KIAA0319L: variants seen among roughly 807,000 people sequenced by gnomAD.
KIAA0319L encodes the protein dyslexia-associated protein KIAA0319-like protein.
A neutral mutation model predicts 120.1 loss-of-function variants in KIAA0319L; 55 were observed. That is an observed-to-expected ratio of 0.46 (90% CI 0.37 to 0.57). The LOEUF (loss-of-function observed/expected upper bound fraction) is 0.57, where lower values mean the gene tolerates loss of function less well. Among genes scored for constraint, KIAA0319L ranks in the 20% least tolerant of loss-of-function variants. The pLI is 0.00. For missense variants in KIAA0319L, 1,049 were observed against 1,255.3 expected, an observed-to-expected ratio of 0.84 and a Z score of 2.48; for synonymous variants, 398 against 471.9, an observed-to-expected ratio of 0.84 and a Z score of 2.03.
Position 35,454,670 on chromosome 1 carries a change from T to C in KIAA0319L, c.1657-185A>G. On this transcript the variant is annotated intron_variant, in intron 10 of 20. Coordinates refer to ENST00000325722, the MANE Select transcript of KIAA0319L (RefSeq NM_024874.5). ...ATATCATGAGGCACCTTGCTAAGGG[T>C]TTCCCCCTTCAAGGAAACAACCCTC... is the stretch of plus-strand genomic sequence containing the variant. 6 of 1,376,056 alleles carry C rather than the reference T, an allele frequency of 4.4e-6. No homozygotes were observed. The South Asian group carries it at 8.8e-5, about 20-fold the overall frequency. 85.2% of individuals were successfully genotyped at this position (1,376,056 alleles called of 1,614,324 possible).
At chr1:35,461,977 T>TCAAAA (rs200765617) in intron 8 of KIAA0319L, among the ~76,000 whole-genome samples, 7 of 151,998 alleles carry the variant, frequency 4.6e-5, no homozygotes, top group East Asian at 3.9e-4. Context: ...TCTCAAAAAA[T>TCAAAA]CAAAACAAAA....
intron 12 of KIAA0319L, among the ~76,000 whole-genome samples, chr1:35,452,137 C>CCCAGTAGT (rs1481263037): frequency 1.3e-4 from 20 of 152,316 alleles, no homozygotes; most frequent in African/African-American, 4.6e-4. Flanking sequence ...GCATTTCTGG[C>CCCAGTAGT]CCAGTAGTTG....
At chr1:35,557,564 G>C (rs1241333127), upstream of KIAA0319L, 1 of 408,482 alleles carries the variant, frequency 2.4e-6, no homozygotes, top group Non-Finnish European at 4.9e-6. Flanking sequence ...GAAGGAATCT[G>C]GGCCCCCAGC....
chr1:35,509,921 T>C (rs983388396), intron 2 of KIAA0319L: 4 of 152,316 alleles, frequency 2.6e-5, no homozygotes, highest in African/African-American at 9.6e-5. Context: ...GCGTCAGAAC[T>C]GCGTCAGGTA....
At chr1:35,468,989 C>T (rs1225209369) in intron 6 of KIAA0319L, among the ~76,000 whole-genome samples, 1 of 152,160 alleles carries the variant, frequency 6.6e-6, no homozygotes, top group Non-Finnish European at 1.5e-5. Flanking sequence ...ACAAAATAAT[C>T]GGCACTGGGT....
intron 2 of KIAA0319L, among the ~76,000 whole-genome samples, chr1:35,517,900 G>C (rs1163976020): frequency 1.3e-5 from 2 of 152,128 alleles, no homozygotes; most frequent in East Asian, 3.8e-4. Context: ...AATAAAAAGT[G>C]GGCAAAGGAC....
intron 12 of KIAA0319L, among the ~76,000 whole-genome samples, chr1:35,452,522 C>T (rs991668416): frequency 8.5e-5 from 13 of 152,202 alleles, no homozygotes; most frequent in Non-Finnish European, 1.6e-4. Context: ...CTTTGTTTTG[C>T]CTTTTAAAGT....
At chr1:35,545,105 C>A (rs1646932621) in intron 2 of KIAA0319L, among the ~76,000 whole-genome samples, 1 of 152,122 alleles carries the variant, frequency 6.6e-6, no homozygotes, top group African/African-American at 2.4e-5. Flanking sequence ...GGTCCCCTGC[C>A]AGTCCGTGGC....
intron 8 of KIAA0319L, 116 bp downstream of exon 8, chr1:35,462,505 G>T: frequency 1.3e-6 from 1 of 781,498 alleles, no homozygotes; most frequent in Non-Finnish European, 2.1e-6. Context: ...ACATGGTCAA[G>T]ATGACTGGCC....
At chr1:35,440,972 A>G (rs1558260639) in intron 20 of KIAA0319L, 75 bp downstream of exon 20, 5 of 1,116,256 alleles carry the variant, frequency 4.5e-6, no homozygotes, top group Non-Finnish European at 6.9e-6. Flanking sequence ...TGACACACTC[A>G]GGAGGGGCTA....
intron 2 of KIAA0319L, among the ~76,000 whole-genome samples, chr1:35,542,026 C>T (rs1646813192): frequency 6.6e-6 from 1 of 152,176 alleles, no homozygotes; most frequent in Non-Finnish European, 1.5e-5. Flanking sequence ...GGCCCAGCTG[C>T]CTACCTCATA....
At chr1:35,484,804 A>ATTTTTT (rs1446424002) in intron 3 of KIAA0319L, among the ~76,000 whole-genome samples, 3 of 43,698 alleles carry the variant, frequency 6.9e-5, no homozygotes, top group African/African-American at 3.8e-4. Context: ...ATATATATAT[A>ATTTTTT]TATTTTTTTT....
chr1:35,516,660 T>C (rs1428033932), intron 2 of KIAA0319L, among the ~76,000 whole-genome samples: 2 of 152,162 alleles, frequency 1.3e-5, no homozygotes, highest in Non-Finnish European at 2.9e-5. Context: ...AAGGATTCCC[T>C]CTTTTACGAA....
intron 4 of KIAA0319L, among the ~76,000 whole-genome samples, chr1:35,475,234 C>T (rs567723696): frequency 6.6e-6 from 1 of 152,090 alleles, no homozygotes; most frequent in South Asian, 2.1e-4. Flanking sequence ...TCTATTTTTC[C>T]TCCTTTCTCT....
chr1:35,512,971 T>C (rs998804745), intron 2 of KIAA0319L, among the ~76,000 whole-genome samples: 1 of 151,376 alleles, frequency 6.6e-6, no homozygotes, highest in Non-Finnish European at 1.5e-5. Context: ...TTTAGGCTGC[T>C]GCCTATTTTT....
intron 3 of KIAA0319L, among the ~76,000 whole-genome samples, chr1:35,479,957 A>AC (rs544094381): frequency 0.038 from 5,435 of 143,202 alleles, 463 homozygotes; most frequent in African/African-American, 0.14. Flanking sequence ...CAAAAAAAAA[A>AC]AAAAAAAAAA....
intron 2 of KIAA0319L, among the ~76,000 whole-genome samples, chr1:35,544,830 C>T (rs1483214995): frequency 6.6e-6 from 1 of 152,188 alleles, no homozygotes; most frequent in Non-Finnish European, 1.5e-5. Flanking sequence ...ACAGAAGATA[C>T]AATCCAACTG....
chr1:35,505,631 C>T (rs1645178941), intron 3 of KIAA0319L, among the ~76,000 whole-genome samples: 1 of 152,188 alleles, frequency 6.6e-6, no homozygotes, highest in Non-Finnish European at 1.5e-5. Flanking sequence ...CTGACATTGA[C>T]AGTAGGTAGC....
In KIAA0319L at chr1:35,448,443, T is replaced by A. The variant is rs1473033882; in HGVS notation, c.2354-111A>T. 19 of 1,036,596 alleles carry A rather than the reference T, an allele frequency of 1.8e-5. No individual in the cohort carries two copies. The South Asian group carries it at 2.6e-4, about 14-fold the overall frequency. 64.2% of individuals were successfully genotyped at this position (1,036,596 alleles called of 1,614,324 possible). On this transcript the variant is annotated intron_variant, in intron 15 of 20. Coordinates refer to ENST00000325722, the MANE Select transcript of KIAA0319L (RefSeq NM_024874.5). ...AGAAAGGAGTGAGAACATTCAGATA[T>A]CCTTCAAATGGAAAGGGACAATAGT... is the stretch of plus-strand genomic sequence containing the variant.
Sources: gnomAD v4.1 joint callset for allele counts (sites outside exome capture counted in the v4.1 genomes callset) on GRCh38, gnomAD v4.1.1 for gene constraint, MANE v1.5 for transcripts, NCBI Gene and HGNC (gene_info 2026-07-23, HGNC 2026-07-21) for gene names.